UBXN4: variants seen among roughly 807,000 people sequenced by gnomAD.
UBXN4 encodes the protein UBX domain-containing protein 4.
In UBXN4, 35 loss-of-function variants were observed where a neutral mutation model predicts 66.2. The observed-to-expected ratio is 0.53, with a 90% CI of 0.40 to 0.70. The LOEUF (loss-of-function observed/expected upper bound fraction) is 0.70, where lower values mean the gene tolerates loss of function less well. Among genes scored for constraint, UBXN4 ranks in the 30% least tolerant of loss-of-function variants. The pLI is 0.00. For synonymous variants in UBXN4, 203 were observed against 204.5 expected, an observed-to-expected ratio of 0.99 and a Z score of 0.06; for missense variants, 533 against 599.8, an observed-to-expected ratio of 0.89 and a Z score of 1.16.
chr2:135,757,997 A>T (rs1041334934), intron 5 of UBXN4, among the ~76,000 whole-genome samples: 1 of 151,902 alleles, frequency 6.6e-6, no homozygotes, highest in Non-Finnish European at 1.5e-5. Flanking sequence ...TATAATCTCC[A>T]ACTCCTGGCC....
At chr2:135,746,874 G>A (rs1280206106) in intron 1 of UBXN4, among the ~76,000 whole-genome samples, 1 of 147,120 alleles carries the variant, frequency 6.8e-6, no homozygotes, top group Non-Finnish European at 1.5e-5. Flanking sequence ...GCAGAGGGTT[G>A]ATGTGATCTT....
chr2:135,773,037 C>CAAAAAAAA (rs78669415), intron 9 of UBXN4, among the ~76,000 whole-genome samples: 2 of 80,030 alleles, frequency 2.5e-5, no homozygotes, highest in Non-Finnish European at 5.0e-5. Context: ...ACTCCGTCCC[C>CAAAAAAAA]AAAAAAAAAA....
intron 4 of UBXN4, 54 bp downstream of exon 4, chr2:135,754,331 T>G (rs2077266418): frequency 1.4e-5 from 21 of 1,451,480 alleles, no homozygotes. Context: ...GAATTGGATT[T>G]TTTTTTTTGA....
chr2:135,746,865 C>T (rs2077210152), intron 1 of UBXN4, among the ~76,000 whole-genome samples: 1 of 150,352 alleles, frequency 6.7e-6, no homozygotes, highest in East Asian at 1.9e-4. Context: ...GTGATCTAAG[C>T]AGAGGGTTGA....
At chr2:135,753,806 A>G (rs1483266558) in intron 3 of UBXN4, 3 of 456,854 alleles carry the variant, frequency 6.6e-6, no homozygotes, top group South Asian at 4.3e-5. Flanking sequence ...TATTGCAGCT[A>G]AAGATAGGAT....
intron 10 of UBXN4, among the ~76,000 whole-genome samples, chr2:135,776,859 G>T (rs1279563340): frequency 6.6e-6 from 1 of 152,166 alleles, no homozygotes; most frequent in East Asian, 1.9e-4. Context: ...CTCGCAGTGC[G>T]TTGGGATTAC....
At chr2:135,777,756 G>A (rs1158205640) in intron 10 of UBXN4, among the ~76,000 whole-genome samples, 9 of 152,022 alleles carry the variant, frequency 5.9e-5, no homozygotes, top group South Asian at 2.1e-4. Flanking sequence ...GGTGGTGGGC[G>A]CCTGTAATCC....
rs372143998 is a variant in UBXN4, at chr2:135,769,748, GT to G, written c.603-8del. 78,606 of 1,015,512 alleles carry G rather than the reference GT, an allele frequency of 0.077. 199 individuals are homozygous for G. The highest frequency in any genetic ancestry group is 0.24 in the East Asian group (7,930 of 32,734). 62.9% of individuals were successfully genotyped at this position (1,015,512 alleles called of 1,614,324 possible). ...ATATGATGTGTCTCAATTAGTGGTG[GT>G]TTTTTTTTTTTTAATACAGACTAAC... On this transcript the variant is annotated intron_variant, in intron 6 of 12. Coordinates refer to ENST00000272638, the MANE Select transcript of UBXN4 (RefSeq NM_014607.4).
At chr2:135,772,808 A>T (rs903396244) in intron 9 of UBXN4, among the ~76,000 whole-genome samples, 1 of 151,488 alleles carries the variant, frequency 6.6e-6, no homozygotes, top group Non-Finnish European at 1.5e-5. Flanking sequence ...GGAGGCCGAG[A>T]CGGGCGGATC....
chr2:135,772,969 G>T (rs1006078148), intron 9 of UBXN4, among the ~76,000 whole-genome samples: 4 of 148,792 alleles, frequency 2.7e-5, no homozygotes, highest in Non-Finnish European at 4.5e-5. Context: ...CCCGGGAGGC[G>T]GAGCTTGCAG....
rs528636524 is a variant in UBXN4 at position 135,743,335 on chromosome 2, A to G, written c.82+1324A>G. ...ATACTTTACATAAATTAATTCTGTA[A>G]TCCCGTAAGGAAAAAAATGGATTGA... On this transcript the variant is annotated intron_variant, in intron 1 of 12. Coordinates refer to ENST00000272638, the MANE Select transcript of UBXN4 (RefSeq NM_014607.4). Among the ~76,000 whole-genome samples, 206 of 152,336 alleles carry G rather than the reference A, an allele frequency of 1.4e-3. 2 individuals are homozygous for G. The highest frequency in any genetic ancestry group is 4.4e-3 in the African/African-American group (182 of 41,584).
At chr2:135,757,028 G>GTGTATTTTTCTT (rs1173890005) in intron 5 of UBXN4, among the ~76,000 whole-genome samples, 4 of 152,118 alleles carry the variant, frequency 2.6e-5, no homozygotes, top group African/African-American at 9.7e-5. Flanking sequence ...ATATGCCTAA[G>GTGTATTTTTCTT]TGTATTTTTC....
At chr2:135,759,377 T>C (rs971120641) in intron 5 of UBXN4, among the ~76,000 whole-genome samples, 2 of 152,212 alleles carry the variant, frequency 1.3e-5, no homozygotes, top group African/African-American at 2.4e-5. Context: ...TATTATACTT[T>C]TTTTCAGTTT....
Position 135,782,104 on chromosome 2 carries a change from C to A in UBXN4, c.1389-645C>A, listed in dbSNP as rs992991720. 2.9e-4 allele frequency among the ~76,000 whole-genome samples: 44 copies of A among 152,030 alleles called. 1 individual carries two copies. Among genetic ancestry groups the A allele is most frequent in the African/African-American group, 1.1e-3 (44 of 41,410 alleles). On this transcript the variant is annotated intron_variant, in intron 12 of 12. Coordinates refer to ENST00000272638, the MANE Select transcript of UBXN4 (RefSeq NM_014607.4). ...AAAGAACAAAAAACAACACTTTTTT[C>A]AAATAAGAGAAAGGTCTTAGATTAG...
At chr2:135,761,747 C>A in intron 5 of UBXN4, 71 bp from the exon 6 acceptor site, 1 of 1,293,410 alleles carries the variant, frequency 7.7e-7, no homozygotes, top group South Asian at 1.5e-5. Context: ...ATGCTATAAT[C>A]TGAAAGATTT....
chr2:135,748,242 T>C, intron 1 of UBXN4, 25 bp from the exon 2 acceptor site: 1 of 1,521,118 alleles, frequency 6.6e-7, no homozygotes, highest in Non-Finnish European at 8.8e-7. Context: ...CAGCCTGGTA[T>C]AAGAATTTTT....
chr2:135,784,505 G>A lies in UBXN4; in HGVS notation c.*1618G>A, dbSNP rs911409839. The A allele has an allele frequency of 3.3e-5, 5 of 152,254 alleles. No individual in the cohort carries two copies. The highest frequency in any genetic ancestry group is 4.4e-5 in the Non-Finnish European group (3 of 67,996). 9.4% of individuals were successfully genotyped at this position (152,254 alleles called of 1,614,324 possible). On this transcript the variant is annotated 3_prime_UTR_variant, in exon 13 of 13. Coordinates refer to ENST00000272638, the MANE Select transcript of UBXN4 (RefSeq NM_014607.4). ...TCACACCATTAATAATGGTAAGATT[G>A]GTTTATGTGATTTTAGTGGTATTTT...
chr2:135,745,849 C>T (rs2077203828), intron 1 of UBXN4, among the ~76,000 whole-genome samples: 2 of 127,020 alleles, frequency 1.6e-5, no homozygotes, highest in African/African-American at 5.8e-5. Flanking sequence ...AGCATTTGGT[C>T]TGTGGATGCA....
intron 1 of UBXN4, among the ~76,000 whole-genome samples, chr2:135,745,731 A>T (rs1294917500): frequency 1.3e-5 from 2 of 152,164 alleles, no homozygotes; most frequent in East Asian, 3.8e-4. Flanking sequence ...TCTCCTCATC[A>T]GATGGTTTCT....
Sources: allele counts gnomAD v4.1 joint callset (sites outside exome capture counted in the v4.1 genomes callset), GRCh38; gene constraint gnomAD v4.1.1; transcripts MANE v1.5; gene names NCBI Gene and HGNC (gene_info 2026-07-23, HGNC 2026-07-21).